The following L3MBTL4 variants were observed in gnomAD, a reference collection of about 807,000 sequenced individuals.
L3MBTL4 encodes the protein L3MBTL histone methyl-lysine binding protein 4.
In L3MBTL4, 70 loss-of-function variants were observed where a neutral mutation model predicts 84.5. That is an observed-to-expected ratio of 0.83 (90% CI 0.68 to 1.01). The LOEUF is 1.01. L3MBTL4 is among the 50% of genes least tolerant of loss of function. The pLI, the probability that L3MBTL4 is intolerant of heterozygous loss-of-function variation, is 0.00. For missense variants in L3MBTL4, 715 were observed against 754.8 expected (o/e 0.95, Z 0.62); for synonymous variants, 274 against 259.8 (o/e 1.05, Z -0.52).
At chr18:6,128,493 TG>T (rs1437314577) in intron 14 of L3MBTL4, among the ~76,000 whole-genome samples, 2 of 150,128 alleles carry the variant, frequency 1.3e-5, no homozygotes, top group African/African-American at 4.9e-5. Context: ...GGGAGGGGAG[TG>T]ACATGATAGA....
At chr18:6,380,283 AT>A (rs1223278914) in intron 1 of L3MBTL4, among the ~76,000 whole-genome samples, 2 of 151,978 alleles carry the variant, frequency 1.3e-5, no homozygotes, top group Non-Finnish European at 2.9e-5. Context: ...GGATTCATTG[AT>A]TTTTTGAAGG....
At chr18:6,231,218 T>A (rs2046987565) in intron 10 of L3MBTL4, among the ~76,000 whole-genome samples, 1 of 152,010 alleles carries the variant, frequency 6.6e-6, no homozygotes, top group African/African-American at 2.4e-5. Flanking sequence ...TAGGTTTTAC[T>A]TTTAAGTGTT....
At chr18:6,389,544 G>C (rs7226798) in intron 1 of L3MBTL4, among the ~76,000 whole-genome samples, 22,660 of 152,052 alleles carry the variant, frequency 0.15, 1,738 homozygotes, top group Non-Finnish European at 0.15. Context: ...AATATCTGCT[G>C]TCTTTAAGAG....
chr18:6,060,545 G>A (rs2057178400), intron 16 of L3MBTL4, among the ~76,000 whole-genome samples: 3 of 151,368 alleles, frequency 2.0e-5, no homozygotes, highest in Admixed American at 6.6e-5. Context: ...CATTAGTGTG[G>A]TACATTTCTC....
At chr18:6,131,755 G>A (rs959761331) in intron 14 of L3MBTL4, among the ~76,000 whole-genome samples, 5 of 152,168 alleles carry the variant, frequency 3.3e-5, no homozygotes, top group East Asian at 3.8e-4. Flanking sequence ...GTGTGCGCAA[G>A]TGCATGTATA....
At chr18:6,146,135 G>A (rs1016730742) in intron 13 of L3MBTL4, among the ~76,000 whole-genome samples, 1 of 152,270 alleles carries the variant, frequency 6.6e-6, no homozygotes, top group Non-Finnish European at 1.5e-5. Flanking sequence ...AGAGTCTCTT[G>A]TTTATTCTGG....
chr18:6,282,215 T>C (rs1165960949), intron 4 of L3MBTL4, among the ~76,000 whole-genome samples: 2 of 152,310 alleles, frequency 1.3e-5, no homozygotes, highest in East Asian at 1.9e-4. Context: ...GAAACAAAAT[T>C]GTCCATCACA....
At chr18:6,218,428 G>A (rs189668784) in intron 10 of L3MBTL4, among the ~76,000 whole-genome samples, 94 of 152,290 alleles carry the variant, frequency 6.2e-4, no homozygotes, top group Middle Eastern at 6.8e-3. Context: ...CACCTGACCA[G>A]TACATATGGT....
intron 12 of L3MBTL4, among the ~76,000 whole-genome samples, chr18:6,203,255 CA>C (rs1029641110): frequency 3.9e-5 from 6 of 152,066 alleles, no homozygotes; most frequent in African/African-American, 1.2e-4. Context: ...GTTCCCTCCA[CA>C]AAAAAACAGG....
At chr18:6,329,146 CTTTTCTTTTTTTTT>C (rs2051884090) in intron 1 of L3MBTL4, among the ~76,000 whole-genome samples, 1 of 97,286 alleles carries the variant, frequency 1.0e-5, no homozygotes. Flanking sequence ...TTCTTTTTTT[CTTTTCTTTTTTTTT>C]TTTTTTTTTT....
intron 13 of L3MBTL4, among the ~76,000 whole-genome samples, chr18:6,162,998 C>T (rs1165820137): frequency 5.3e-5 from 8 of 151,856 alleles, no homozygotes; most frequent in Admixed American, 2.6e-4. Context: ...ATACTCCATG[C>T]CAAAGAAGAG....
chr18:6,255,376 A>G (rs1330585749), intron 5 of L3MBTL4, among the ~76,000 whole-genome samples: 1 of 152,230 alleles, frequency 6.6e-6, no homozygotes, highest in Non-Finnish European at 1.5e-5. Flanking sequence ...GATCTGCTCA[A>G]CTATTTCCCA....
chr18:6,389,083 T>A (rs1288308510), intron 1 of L3MBTL4, among the ~76,000 whole-genome samples: 2 of 151,960 alleles, frequency 1.3e-5, no homozygotes, highest in Non-Finnish European at 2.9e-5. Flanking sequence ...ATAATGAATT[T>A]AAAAAATAAT....
chr18:6,371,655 G>A (rs1428338961), intron 1 of L3MBTL4, among the ~76,000 whole-genome samples: 1 of 152,176 alleles, frequency 6.6e-6, no homozygotes. Flanking sequence ...CAGGGCACTG[G>A]TGCTTGGTAA....
intron 4 of L3MBTL4, among the ~76,000 whole-genome samples, chr18:6,280,235 C>A (rs2049266967): frequency 6.6e-6 from 1 of 152,140 alleles, no homozygotes; most frequent in Admixed American, 6.5e-5. Flanking sequence ...AAAGAAAAAT[C>A]TAATGTAAAA....
At chr18:6,094,250 G>A (rs991850266) in intron 14 of L3MBTL4, among the ~76,000 whole-genome samples, 1 of 152,180 alleles carries the variant, frequency 6.6e-6, no homozygotes, top group African/African-American at 2.4e-5. Context: ...CTGTGCCCAC[G>A]TCCCTGTCTC....
chr18:6,289,025 GA>G (rs1177152754), intron 4 of L3MBTL4, among the ~76,000 whole-genome samples: 2 of 151,788 alleles, frequency 1.3e-5, no homozygotes, highest in Non-Finnish European at 2.9e-5. Flanking sequence ...TAAATTTAAA[GA>G]AAAAAATTTG....
chr18:6,049,363 T>C (rs1308192688), intron 16 of L3MBTL4, among the ~76,000 whole-genome samples: 1 of 152,192 alleles, frequency 6.6e-6, no homozygotes, highest in Non-Finnish European at 1.5e-5. Flanking sequence ...AGGTTTAATG[T>C]CCAGAATCTA....
chr18:6,109,438 T>G (rs1329418484), intron 14 of L3MBTL4, among the ~76,000 whole-genome samples: 1 of 152,116 alleles, frequency 6.6e-6, no homozygotes, highest in East Asian at 1.9e-4. Context: ...TGGGCACCAG[T>G]GACAGCCCTG....
Sources: gnomAD v4.1 joint callset for allele counts (sites outside exome capture counted in the v4.1 genomes callset) on GRCh38, gnomAD v4.1.1 for gene constraint, MANE v1.5 for transcripts, NCBI Gene and HGNC (gene_info 2026-07-23, HGNC 2026-07-21) for gene names.